GMEB1: variants seen among roughly 807,000 people sequenced by gnomAD.
GMEB1 encodes glucocorticoid modulatory element binding protein 1.
In GMEB1, 6 loss-of-function variants were observed where a neutral mutation model predicts 52.4. The observed-to-expected ratio is 0.11, with a 90% CI of 0.06 to 0.23. The LOEUF (loss-of-function observed/expected upper bound fraction) is 0.23. GMEB1 is among the 10% of genes least tolerant of loss of function. GMEB1 has a pLI of 1.00. For missense variants in GMEB1, 486 were observed against 685.6 expected, an observed-to-expected ratio of 0.71 and a Z score of 3.25; for synonymous variants, 255 against 244.9, an observed-to-expected ratio of 1.04 and a Z score of -0.38.
Position 28,714,101 on chromosome 1 carries a change from G to A in GMEB1, c.1020G>A (p.Lys340=), listed in dbSNP as rs767912196. 4.3e-6 allele frequency: 7 copies of A among 1,611,414 alleles called. No individual in the cohort carries two copies. The highest frequency in any genetic ancestry group is 5.9e-6 in the Non-Finnish European group (7 of 1,177,704). ...TDLERQLEEQ[K]KQGQDHRLKS... is the part of the protein sequence containing the mutation. ...TGGAACGCCAGTTGGAGGAGCAGAA[G>A]AAGCAAGGCCAGGATCACAGGCTGA... Residue 340 remains lysine, a synonymous_variant, in exon 10 of 10, where the codon AAG becomes AAA. Coordinates refer to ENST00000373816, the MANE Select transcript of GMEB1 (RefSeq NM_001319674.2).
Position 28,690,559 on chromosome 1 carries a change from G to T in GMEB1, c.211+373G>T, listed in dbSNP as rs533732877. Among the ~76,000 whole-genome samples the T allele has an allele frequency of 2.6e-5, 4 of 152,224 alleles. No individual in the cohort carries two copies. In the South Asian group the frequency reaches 8.3e-4, roughly 32 times the overall value. ...AGTGGAAAGAAACTGGAAAGAAACC[G>T]AAATTTAACAAACCTTAGTTTAAAT... On this transcript the variant is annotated intron_variant, in intron 3 of 9. Coordinates refer to ENST00000373816, the MANE Select transcript of GMEB1 (RefSeq NM_001319674.2).
At chr1:28,698,117 G>T (rs1670314330) in intron 6 of GMEB1, among the ~76,000 whole-genome samples, 1 of 151,792 alleles carries the variant, frequency 6.6e-6, no homozygotes, top group South Asian at 2.1e-4. Flanking sequence ...TCCATCCTGG[G>T]CAACAGAGTG....
At chr1:28,680,364 G>A (rs752595394) in intron 1 of GMEB1, among the ~76,000 whole-genome samples, 1 of 152,176 alleles carries the variant, frequency 6.6e-6, no homozygotes, top group Admixed American at 6.6e-5. Flanking sequence ...TAGATAAAAT[G>A]TAAGTCTGAT....
chr1:28,673,888 T>C (rs908818043), intron 1 of GMEB1, among the ~76,000 whole-genome samples: 1 of 151,794 alleles, frequency 6.6e-6, no homozygotes, highest in Non-Finnish European at 1.5e-5. Context: ...TGGTGTCTCA[T>C]GCCTGTCCCA....
At chr1:28,704,627 A>G (rs1033454421) in intron 8 of GMEB1, among the ~76,000 whole-genome samples, 1 of 150,260 alleles carries the variant, frequency 6.7e-6, no homozygotes, top group Non-Finnish European at 1.5e-5. Flanking sequence ...TTTTTTTGAG[A>G]CGGAGTCTCG....
intron 2 of GMEB1, among the ~76,000 whole-genome samples, chr1:28,688,721 ACCACC>A (rs1669809195): frequency 1.4e-5 from 2 of 146,914 alleles, no homozygotes; most frequent in African/African-American, 5.1e-5. Context: ...CCCACCACCC[ACCACC>A]CCCAGCAAAA....
Position 28,714,168 on chromosome 1 carries a change from A to G in GMEB1, c.1087A>G (p.Thr363Ala). Residue 363 changes from threonine to alanine, a missense_variant, in exon 10 of 10, where the codon ACT becomes GCT. Thr to Ala is a moderately conservative substitution (Grantham distance 58). Transcript: ENST00000373816. ...AAATGTGGTACTGATGCCTGTGAGC[A>G]CTCCTAAGCCTCCAAAAAGGCCCCG... ...VQNVVLMPVSTPKPPKRPRLQ... is the reference protein window; with the variant it reads ...VQNVVLMPVSAPKPPKRPRLQ... The G allele has an allele frequency of 1.2e-6, 2 of 1,614,052 alleles. No homozygotes were observed. The highest frequency in any genetic ancestry group is 1.7e-6 in the Non-Finnish European group (2 of 1,179,994).
Position 28,690,201 on chromosome 1 carries a change from G to GTTTTTTTTTT in GMEB1, c.211+16_211+17insTTTTTTTTTT. The stretch of plus-strand genomic sequence containing the variant: ...AGAAGGGATTGGTAAGGGTTTTTTT[G>GTTTTTTTTTT]TGTTTTTTTTTTTTTTTTTTTTTGT... On this transcript the variant is annotated intron_variant, in intron 3 of 9. Coordinates refer to ENST00000373816, the MANE Select transcript of GMEB1 (RefSeq NM_001319674.2). 5.1e-6 allele frequency: 3 copies of GTTTTTTTTTT among 582,796 alleles called. No individual in the cohort carries two copies. Among genetic ancestry groups the GTTTTTTTTTT allele is most frequent in the Non-Finnish European group, 7.7e-6 (3 of 390,764 alleles). 36.1% of individuals were successfully genotyped at this position (582,796 alleles called of 1,614,324 possible). A position where few individuals can be genotyped will look rare whatever the true frequency, so the allele number is the denominator to read the frequency against.
chr1:28,668,997 C>A (rs1431156359), intron 1 of GMEB1, among the ~76,000 whole-genome samples, 158 bp downstream of exon 1: 1 of 142,190 alleles, frequency 7.0e-6, no homozygotes, highest in Non-Finnish European at 1.6e-5. Flanking sequence ...TGCGTGCCGC[C>A]GCCGCCGCCG....
chr1:28,671,820 T>C (rs1335500489), intron 1 of GMEB1, among the ~76,000 whole-genome samples: 4 of 151,922 alleles, frequency 2.6e-5, no homozygotes, highest in Non-Finnish European at 5.9e-5. Context: ...GAGTGTGGAA[T>C]AAATAAATAT....
At chr1:28,692,063 T>G (rs1329225322) in intron 4 of GMEB1, among the ~76,000 whole-genome samples, 2 of 147,968 alleles carry the variant, frequency 1.4e-5, no homozygotes, top group South Asian at 2.1e-4. Flanking sequence ...CAGGCTAGAG[T>G]GCAGTGACAT....
chr1:28,704,921 C>T (rs945290330), intron 8 of GMEB1, among the ~76,000 whole-genome samples: 1 of 151,270 alleles, frequency 6.6e-6, no homozygotes, highest in African/African-American at 2.4e-5. Context: ...AAAAAACTTT[C>T]TAAACATTAG....
Position 28,702,429 on chromosome 1 carries a change from T to C in GMEB1, c.599-9T>C. On this transcript the variant is annotated splice_polypyrimidine_tract_variant and intron_variant, in intron 6 of 9. Transcript: ENST00000373816. ...TTCACTGTTCTCACCTCTACTGGAC[T>C]GTTTTTAGGTAGCATCACGCAGATT... 4 of 1,612,652 alleles carry C rather than the reference T, an allele frequency of 2.5e-6. No homozygotes were observed. Among genetic ancestry groups the C allele is most frequent in the African/African-American group, 1.3e-5 (1 of 75,016 alleles).
At chr1:28,669,603 T>G (rs1207103651) in intron 1 of GMEB1, among the ~76,000 whole-genome samples, 1 of 151,756 alleles carries the variant, frequency 6.6e-6, no homozygotes, top group African/African-American at 2.4e-5. Context: ...GGCCCAGGTC[T>G]CCCCACAGAT....
chr1:28,707,719 A>C (rs1210597181), intron 8 of GMEB1, among the ~76,000 whole-genome samples: 1 of 152,100 alleles, frequency 6.6e-6, no homozygotes, highest in African/African-American at 2.4e-5. Flanking sequence ...TAGAGATGTC[A>C]CTCATCTAGA....
chr1:28,671,493 C>G (rs1038407230), intron 1 of GMEB1, among the ~76,000 whole-genome samples: 1 of 152,152 alleles, frequency 6.6e-6, no homozygotes, highest in African/African-American at 2.4e-5. Flanking sequence ...GACAGGCGGC[C>G]TCCCAAAGTG....
rs1671318847 is a variant in GMEB1 at position 28,718,115 on chromosome 1, T to A, written c.*3342T>A. On this transcript the variant is annotated 3_prime_UTR_variant, in exon 10 of 10. Coordinates refer to ENST00000373816, the MANE Select transcript of GMEB1 (RefSeq NM_001319674.2). Reference sequence around the variant, plus strand: ...GGGTGAGACATATGCAAGCCATTGGTATGTGCATAAGCAGTTGCAATGAAC... The same window carrying A: ...GGGTGAGACATATGCAAGCCATTGGAATGTGCATAAGCAGTTGCAATGAAC... 1 of 152,232 alleles carries A rather than the reference T, an allele frequency of 6.6e-6. No individual in the cohort carries two copies. Among genetic ancestry groups the A allele is most frequent in the Non-Finnish European group, 1.5e-5 (1 of 68,050 alleles). The allele number at this position is 152,232 out of a possible 1,614,324, so 9.4% of individuals were successfully genotyped here.
chr1:28,714,505 T>G lies in GMEB1; in HGVS notation c.1424T>G (p.Leu475Arg), dbSNP rs751174167. ...ACTGCCATGCAGGATGGGAGTACAC[T>G]GGGCAACATGACCACCATGGTTAGC... ...SSTAMQDGSTLGNMTTMVSPV... is the reference protein window; with the variant it reads ...SSTAMQDGSTRGNMTTMVSPV... Residue 475 changes from leucine to arginine, a missense_variant, in exon 10 of 10, where the codon CTG becomes CGG. By Grantham distance (102) the Leu-to-Arg change is moderately radical. Transcript: ENST00000373816. 6.2e-7 allele frequency: 1 copy of G among 1,614,174 alleles called. No homozygotes were observed. The highest frequency in any genetic ancestry group is 8.5e-7 in the Non-Finnish European group (1 of 1,180,036).
intron 9 of GMEB1, among the ~76,000 whole-genome samples, chr1:28,713,607 A>G (rs192057836): frequency 9.2e-5 from 14 of 152,324 alleles, no homozygotes; most frequent in Non-Finnish European, 1.8e-4. Flanking sequence ...CTAGGCAACA[A>G]TTGTAAACTG....
Sources: allele counts gnomAD v4.1 joint callset (sites outside exome capture counted in the v4.1 genomes callset), GRCh38; gene constraint gnomAD v4.1.1; transcripts MANE v1.5; gene names NCBI Gene and HGNC (gene_info 2026-07-23, HGNC 2026-07-21).